The following SYPL1 variants were observed in gnomAD, a reference collection of about 807,000 sequenced individuals.
The protein encoded by SYPL1 is synaptophysin-like protein 1.
SYPL1 carries 6 observed loss-of-function variants against 23.7 expected under a neutral mutation model. The observed-to-expected ratio is 0.25, with a 90% CI of 0.14 to 0.50. SYPL1 has a LOEUF of 0.50. Ranked by LOEUF, SYPL1 falls within the 20% of genes least tolerant of loss-of-function variation. SYPL1 has a pLI of 0.98. For synonymous variants in SYPL1, 102 were observed against 104.5 expected, an observed-to-expected ratio of 0.98 and a Z score of 0.15; for missense variants, 253 against 288.9, an observed-to-expected ratio of 0.88 and a Z score of 0.90.
Position 106,104,997 on chromosome 7 carries a change from G to A in SYPL1, c.70-5715C>T, listed in dbSNP as rs1840520672. Among the ~76,000 whole-genome samples the A allele has an allele frequency of 6.6e-6, 1 of 152,194 alleles. No homozygotes were observed. Among genetic ancestry groups the A allele is most frequent in the Non-Finnish European group, 1.5e-5 (1 of 68,016 alleles). ...TTTGGATTTCCTGCTTTTCCTGAGT[G>A]TGTATGGGAAAGCTGAAGAATGGCA... On this transcript the variant is annotated intron_variant, in intron 1 of 4. Transcript: ENST00000455385. The surrounding 1 kb of genome is among the most constrained non-coding windows in gnomAD (Gnocchi z 4.1).
chr7:106,110,111 A>G (rs1790068793), intron 1 of SYPL1, among the ~76,000 whole-genome samples: 1 of 152,116 alleles, frequency 6.6e-6, no homozygotes, highest in Non-Finnish European at 1.5e-5. Flanking sequence ...GCACATATGC[A>G]TTTTCCTAAG....
At chr7:106,108,475 T>C (rs113472947) in intron 1 of SYPL1, among the ~76,000 whole-genome samples, 4 of 152,268 alleles carry the variant, frequency 2.6e-5, no homozygotes, top group African/African-American at 9.6e-5. Context: ...GGCTTTATGG[T>C]CATGGTCATT....
chr7:106,112,556 G>A (rs766915615), upstream of SYPL1: 17 of 1,496,958 alleles, frequency 1.1e-5, no homozygotes, highest in South Asian at 2.6e-5. Context: ...CCCCTTCCCT[G>A]CGGTTCAGCC....
At position 106,109,603 on chromosome 7, in the gene SYPL1, AG is replaced by A. The variant is rs1790042883; in HGVS notation, c.69+2536del. 1.3e-5 allele frequency among the ~76,000 whole-genome samples: 2 copies of A among 152,208 alleles called. No individual in the cohort carries two copies. Among genetic ancestry groups the A allele is most frequent in the Admixed American group, 1.3e-4 (2 of 15,286 alleles). Reference sequence around the variant, plus strand: ...ATCCATATATATAGCTGTATCCTATAGGATACCTCCAAAAGATCTAAAGAGA... The same window carrying A: ...ATCCATATATATAGCTGTATCCTATAGATACCTCCAAAAGATCTAAAGAGA... On this transcript the variant is annotated intron_variant, in intron 1 of 4. Transcript: ENST00000455385. The surrounding 1 kb of genome is among the most constrained non-coding windows in gnomAD (Gnocchi z 4.3).
chr7:106,112,553 C>A (rs751167848), upstream of SYPL1: 2 of 1,499,318 alleles, frequency 1.3e-6, no homozygotes, highest in East Asian at 2.9e-5. Context: ...CGCCCCCTTC[C>A]CTGCGGTTCA....
In SYPL1 at chr7:106,099,158, C is replaced by T; in HGVS notation, c.194G>A (p.Arg65Lys). Residue 65 changes from arginine (R) to lysine (K), a missense_variant and splice_region_variant, in exon 2 of 5, where the codon AGG becomes AAG. Physicochemically the swap from Arg to Lys is conservative, Grantham distance 26. Coordinates refer to ENST00000455385, the MANE Select transcript of SYPL1 (RefSeq NM_182715.4). ...TVTATFGYPF[R>K]LNEASFQPPP... Reference sequence around the variant, plus strand: ...AACCATTAAAATAAATATAACTCACCTGAATGGATAACCAAAAGTAGCTGT... The same window carrying T: ...AACCATTAAAATAAATATAACTCACTTGAATGGATAACCAAAAGTAGCTGT... 1 of 1,607,746 alleles carries T rather than the reference C, an allele frequency of 6.2e-7. No homozygotes were observed. The highest frequency in any genetic ancestry group is 8.5e-7 in the Non-Finnish European group (1 of 1,178,412).
chr7:106,099,403 A>G, intron 1 of SYPL1, 121 bp from the exon 2 acceptor site: 3 of 1,246,236 alleles, frequency 2.4e-6, no homozygotes, highest in Non-Finnish European at 3.3e-6. Context: ...CATTCTAGAA[A>G]TTCTTTTTTT....
At chr7:106,092,742 A>G in intron 4 of SYPL1, 1 of 608,062 alleles carries the variant, frequency 1.6e-6, no homozygotes, top group Non-Finnish European at 2.9e-6. Flanking sequence ...AAAGTCTCAG[A>G]GATGAATAAA....
At chr7:106,099,922 A>G (rs1840226517) in intron 1 of SYPL1, among the ~76,000 whole-genome samples, 1 of 152,176 alleles carries the variant, frequency 6.6e-6, no homozygotes, top group African/African-American at 2.4e-5. Context: ...ATGTGATTTT[A>G]TTTTCCCCGG....
rs1840502019 is a variant in SYPL1, at chr7:106,104,683, A to G, written c.70-5401T>C. On this transcript the variant is annotated intron_variant, in intron 1 of 4. Coordinates refer to ENST00000455385, the MANE Select transcript of SYPL1 (RefSeq NM_182715.4). This position sits in a 1 kb window ranked among gnomAD's most constrained non-coding sequence, Gnocchi z 4.1. ...AATTATTATTTTAAAGCTTTTTGTT[A>G]TAAGGATAGATAAATATCATGACAG... is the stretch of plus-strand genomic sequence containing the variant. 1.3e-5 allele frequency among the ~76,000 whole-genome samples: 2 copies of G among 152,248 alleles called. No individual in the cohort carries two copies. The highest frequency in any genetic ancestry group is 2.9e-5 in the Non-Finnish European group (2 of 68,050).
At chr7:106,112,042 C>T (rs1249591720) in intron 1 of SYPL1, 98 bp downstream of exon 1, 7 of 1,179,970 alleles carry the variant, frequency 5.9e-6, no homozygotes, top group Non-Finnish European at 7.4e-6. Context: ...TCAAAGCCCG[C>T]GCGGCAGGGC....
upstream of SYPL1, chr7:106,112,420 G>A: frequency 7.8e-6 from 11 of 1,407,894 alleles, no homozygotes; most frequent in Non-Finnish European, 1.0e-5. Context: ...GAGTGGGGCG[G>A]CTGGGGAGGC....
chr7:106,093,761 A>G (rs1304626074), intron 3 of SYPL1, among the ~76,000 whole-genome samples: 1 of 127,266 alleles, frequency 7.9e-6, no homozygotes, highest in Non-Finnish European at 1.8e-5. Flanking sequence ...TGAGATGGAT[A>G]ATAAAATGGT....
intron 1 of SYPL1, among the ~76,000 whole-genome samples, chr7:106,102,315 C>T (rs1381541155): frequency 1.3e-5 from 2 of 152,154 alleles, no homozygotes; most frequent in African/African-American, 4.8e-5. Flanking sequence ...AGGCCAGTCT[C>T]GAGCTCCTGA....
At chr7:106,107,462 C>A (rs1424594964) in intron 1 of SYPL1, among the ~76,000 whole-genome samples, 7 of 152,126 alleles carry the variant, frequency 4.6e-5, no homozygotes, top group Admixed American at 4.6e-4. Context: ...GGATTATGGC[C>A]GGCTGCAGTG....
chr7:106,110,871 G>A (rs1371739362), intron 1 of SYPL1, among the ~76,000 whole-genome samples: 1 of 152,104 alleles, frequency 6.6e-6, no homozygotes, highest in African/African-American at 2.4e-5. Context: ...ACTAAATCTA[G>A]ATATAAGACT....
chr7:106,103,097 T>C (rs1001233880), intron 1 of SYPL1, among the ~76,000 whole-genome samples: 1 of 152,118 alleles, frequency 6.6e-6, no homozygotes, highest in African/African-American at 2.4e-5. Flanking sequence ...AGAGAAACCC[T>C]TGCTCACACG....
chr7:106,108,250 A>G (rs1339830548), intron 1 of SYPL1, among the ~76,000 whole-genome samples: 2 of 152,180 alleles, frequency 1.3e-5, no homozygotes, highest in Non-Finnish European at 2.9e-5. Flanking sequence ...TAATTGCTCT[A>G]CTATTTTCAT....
chr7:106,103,448 A>G (rs1245206157), intron 1 of SYPL1, among the ~76,000 whole-genome samples: 1 of 152,136 alleles, frequency 6.6e-6, no homozygotes, highest in Admixed American at 6.5e-5. Context: ...CACATTTCCA[A>G]TTTCATTCCA....
Sources: allele counts gnomAD v4.1 joint callset (sites outside exome capture counted in the v4.1 genomes callset), GRCh38; gene constraint gnomAD v4.1.1; non-coding constraint Gnocchi (gnomAD v3.1); transcripts MANE v1.5; gene names NCBI Gene and HGNC (gene_info 2026-07-23, HGNC 2026-07-21).